Variants in RAB10 observed in about 807,000 individuals in gnomAD.
RAB10 encodes the protein ras-related protein Rab-10.
Under a neutral mutation model 25.7 loss-of-function variants are expected in RAB10, and 5 were observed. The observed-to-expected ratio is 0.19, with a 90% CI of 0.10 to 0.41. The LOEUF is 0.41. RAB10 is among the 10% of genes least tolerant of loss of function. The pLI, the probability that RAB10 is intolerant of heterozygous loss-of-function variation, is 1.00. For synonymous variants in RAB10, 89 were observed against 86.4 expected (o/e 1.03, Z -0.16); for missense variants, 103 against 245.8 (o/e 0.42, Z 3.89).
chr2:26,087,225 G>A (rs1218355734), intron 1 of RAB10, among the ~76,000 whole-genome samples: 4 of 152,132 alleles, frequency 2.6e-5, no homozygotes, highest in Admixed American at 2.6e-4. Context: ...TCTGCCATCT[G>A]TTAATCCTGC....
At chr2:26,036,859 G>C (rs954688153) in intron 1 of RAB10, among the ~76,000 whole-genome samples, 18 of 151,142 alleles carry the variant, frequency 1.2e-4, no homozygotes, top group African/African-American at 4.4e-4. Context: ...GCGTGATCTC[G>C]GCCCACTGCA....
chr2:26,069,670 C>T (rs1263842828), intron 1 of RAB10, among the ~76,000 whole-genome samples: 1 of 149,098 alleles, frequency 6.7e-6, no homozygotes, highest in East Asian at 2.0e-4. Context: ...TGCCCCCCTA[C>T]CCCCCAAAAA....
At chr2:26,044,877 TATTC>T (rs1323807586) in intron 1 of RAB10, among the ~76,000 whole-genome samples, 2 of 152,118 alleles carry the variant, frequency 1.3e-5, no homozygotes, top group Non-Finnish European at 2.9e-5. Flanking sequence ...CAGCCAATCT[TATTC>T]ATAACCACAT....
intron 1 of RAB10, among the ~76,000 whole-genome samples, chr2:26,069,711 T>C (rs1666584877): frequency 6.8e-6 from 1 of 146,526 alleles, no homozygotes; most frequent in Admixed American, 6.8e-5. Context: ...ACTACTCAGA[T>C]ACTTTTTTTT....
At chr2:26,128,455 C>T (rs1017385543) in intron 5 of RAB10, among the ~76,000 whole-genome samples, 1 of 152,172 alleles carries the variant, frequency 6.6e-6, no homozygotes, top group Non-Finnish European at 1.5e-5. Flanking sequence ...TCTGAAGGAT[C>T]TAGTCAGTGG....
intron 3 of RAB10, among the ~76,000 whole-genome samples, chr2:26,121,350 T>G (rs890875523): frequency 3.9e-5 from 6 of 151,960 alleles, no homozygotes; most frequent in African/African-American, 1.2e-4. Context: ...CACTTACACA[T>G]GGATATTTTT....
At chr2:26,106,178 C>T (rs1165185542) in intron 2 of RAB10, among the ~76,000 whole-genome samples, 1 of 152,096 alleles carries the variant, frequency 6.6e-6, no homozygotes, top group Admixed American at 6.5e-5. Context: ...AGTGGGAAAA[C>T]AGCAACTGGA....
chr2:26,057,165 C>T (rs1453683613), intron 1 of RAB10, among the ~76,000 whole-genome samples: 2 of 152,128 alleles, frequency 1.3e-5, no homozygotes, highest in Non-Finnish European at 2.9e-5. Context: ...GTCCAGTAGA[C>T]ATTTGTATGT....
chr2:26,060,618 G>T (rs1666374355), intron 1 of RAB10, among the ~76,000 whole-genome samples: 2 of 152,146 alleles, frequency 1.3e-5, no homozygotes, highest in Admixed American at 6.6e-5. Flanking sequence ...GAGGAAAATT[G>T]TATATCCTTA....
intron 1 of RAB10, among the ~76,000 whole-genome samples, chr2:26,052,056 CAAAA>C (rs71399349): frequency 8.7e-6 from 1 of 115,240 alleles, no homozygotes; most frequent in Non-Finnish European, 1.8e-5. Context: ...GACTCAGTCT[CAAAA>C]AAAAAAAAAC....
At chr2:26,073,550 A>G (rs1480041501) in intron 1 of RAB10, among the ~76,000 whole-genome samples, 2 of 152,146 alleles carry the variant, frequency 1.3e-5, no homozygotes, top group East Asian at 3.8e-4. Context: ...AGTTCCTTTC[A>G]TTGGCAGAAC....
At chr2:26,128,752 T>C (rs1667953740) in intron 5 of RAB10, among the ~76,000 whole-genome samples, 1 of 152,222 alleles carries the variant, frequency 6.6e-6, no homozygotes, top group African/African-American at 2.4e-5. Flanking sequence ...TAAATAATGC[T>C]GAAAATGTGA....
rs10669615 is a variant in RAB10 at position 26,124,389 on chromosome 2, C to CTTTTTTTTTTTTTTTT, written c.328-2742_328-2727dup. The stretch of plus-strand genomic sequence containing the variant: ...GTTGTTTTTCTTATTGTTGTTGTTG[C>CTTTTTTTTTTTTTTTT]TTTTTTTTTTTTTTTTTTTTTTTTT... On this transcript the variant is annotated intron_variant, in intron 3 of 5. Coordinates refer to ENST00000264710, the MANE Select transcript of RAB10 (RefSeq NM_016131.5). 3.9e-3 allele frequency among the ~76,000 whole-genome samples: 77 copies of CTTTTTTTTTTTTTTTT among 19,678 alleles called. 29 individuals are homozygous for CTTTTTTTTTTTTTTTT. Among genetic ancestry groups the CTTTTTTTTTTTTTTTT allele is most frequent in the East Asian group, 0.031 (13 of 414 alleles). The allele number at this position is 19,678 out of a possible 152,430, so 12.9% of individuals were successfully genotyped here.
At chr2:26,102,048 AC>A (rs1667352950) in intron 2 of RAB10, 1 of 152,354 alleles carries the variant, frequency 6.6e-6, no homozygotes, top group Non-Finnish European at 1.5e-5. Flanking sequence ...CTCAGCAGCA[AC>A]CCTGGCCCAG....
chr2:26,072,260 A>G (rs889829991), intron 1 of RAB10, among the ~76,000 whole-genome samples: 1 of 152,134 alleles, frequency 6.6e-6, no homozygotes, highest in Non-Finnish European at 1.5e-5. Context: ...TACTAAAAAT[A>G]CAAAAATTAG....
intron 2 of RAB10, chr2:26,101,499 C>T (rs1347122714): frequency 3.3e-5 from 5 of 152,180 alleles, no homozygotes; most frequent in African/African-American, 1.2e-4. Flanking sequence ...GGCAAAGGTG[C>T]CTAGGGTAGC....
chr2:26,044,638 C>T (rs758098570), intron 1 of RAB10, among the ~76,000 whole-genome samples: 15 of 152,022 alleles, frequency 9.9e-5, no homozygotes, highest in Admixed American at 2.6e-4. Context: ...CTCCACCTCC[C>T]GGGTTCAGAT....
intron 1 of RAB10, among the ~76,000 whole-genome samples, chr2:26,063,492 A>C (rs1270408942): frequency 6.6e-5 from 10 of 152,102 alleles, no homozygotes; most frequent in Admixed American, 6.5e-4. Context: ...TTGACACTTC[A>C]TCTCTAAATA....
In RAB10 at chr2:26,045,238, CT is replaced by C. The variant is rs202201784; in HGVS notation, c.127+10522del. ...GAGAAATACTGGCAATCTCTTTCAACTTTTTTTTTTTTTTTTTTTGAGACAG... is the reference window on the plus strand; with the variant it reads ...GAGAAATACTGGCAATCTCTTTCAACTTTTTTTTTTTTTTTTTTGAGACAG... On this transcript the variant is annotated intron_variant, in intron 1 of 5. Coordinates refer to ENST00000264710, the MANE Select transcript of RAB10 (RefSeq NM_016131.5). Among the ~76,000 whole-genome samples the C allele has an allele frequency of 6.1e-4, 89 of 146,464 alleles. 2 individuals are homozygous for C. In the South Asian group the frequency reaches 0.011, roughly 17 times the overall value.
Sources: gnomAD v4.1 joint callset for allele counts (sites outside exome capture counted in the v4.1 genomes callset) on GRCh38, gnomAD v4.1.1 for gene constraint, MANE v1.5 for transcripts, NCBI Gene and HGNC (gene_info 2026-07-23, HGNC 2026-07-21) for gene names.